CHST9: variants seen among roughly 807,000 people sequenced by gnomAD.
CHST9 encodes the protein carbohydrate sulfotransferase 9, also known as GalNAc-4-sulfotransferase 2.
In CHST9, 41 loss-of-function variants were observed where a neutral mutation model predicts 44.4. That is an observed-to-expected ratio of 0.92 (90% CI 0.72 to 1.20). The LOEUF is 1.20. Ranked by LOEUF, CHST9 falls within the 50% of genes most tolerant of loss-of-function variation. CHST9 has a pLI of 0.00. For missense variants in CHST9, 504 were observed against 516.5 expected (o/e 0.98, Z 0.23); for synonymous variants, 171 against 178.4 (o/e 0.96, Z 0.33).
At chr18:27,147,717 C>A (rs1452853044) in intron 1 of CHST9, 3 of 152,376 alleles carry the variant, frequency 2.0e-5, no homozygotes, top group African/African-American at 7.2e-5. Context: ...AAACGCAACT[C>A]CATCAACACC....
intron 4 of CHST9, among the ~76,000 whole-genome samples, chr18:27,016,546 C>A (rs1164151326): frequency 6.6e-6 from 1 of 152,168 alleles, no homozygotes; most frequent in Non-Finnish European, 1.5e-5. Context: ...GATTAACTCT[C>A]CCCTCAGACA....
intron 3 of CHST9, among the ~76,000 whole-genome samples, chr18:27,046,773 G>C (rs1332667442): frequency 1.3e-5 from 2 of 151,970 alleles, no homozygotes; most frequent in Non-Finnish European, 2.9e-5. Context: ...AAATGATTAG[G>C]AGCCCCCTAA....
intron 1 of CHST9, among the ~76,000 whole-genome samples, chr18:27,173,428 C>T (rs2058846927): frequency 1.3e-5 from 2 of 151,980 alleles, no homozygotes; most frequent in East Asian, 1.9e-4. Flanking sequence ...GTTTTGTAGG[C>T]GAGCACCAAT....
At chr18:27,075,285 C>T (rs549493252) in intron 2 of CHST9, among the ~76,000 whole-genome samples, 1 of 151,452 alleles carries the variant, frequency 6.6e-6, no homozygotes, top group Admixed American at 6.6e-5. Flanking sequence ...AGCAAACATA[C>T]TAAATTTCCA....
chr18:26,991,920 T>C lies in CHST9; in HGVS notation c.202+32196A>G, dbSNP rs1025731434. On this transcript the variant is annotated intron_variant, in intron 4 of 5. Transcript: ENST00000618847. The stretch of plus-strand genomic sequence containing the variant: ...ACAAGAAGAACTCCTTTGAAGAGCA[T>C]TGCTGCAAGAGGCAGAGCAGTGGGC... Among the ~76,000 whole-genome samples, 9 of 127,966 alleles carry C rather than the reference T, an allele frequency of 7.0e-5. 3 individuals are homozygous for C. Among genetic ancestry groups the C allele is most frequent in the Admixed American group, 2.6e-4 (3 of 11,544 alleles). 84.0% of individuals were successfully genotyped at this position (127,966 alleles called of 152,430 possible).
chr18:27,165,431 G>T (rs1346645687), intron 1 of CHST9, among the ~76,000 whole-genome samples: 5 of 152,198 alleles, frequency 3.3e-5, no homozygotes, highest in African/African-American at 1.2e-4. Context: ...GGGTTGGAAG[G>T]ACCAGGACAT....
intron 4 of CHST9, among the ~76,000 whole-genome samples, chr18:26,955,149 C>T (rs886221906): frequency 1.3e-5 from 2 of 151,898 alleles, no homozygotes; most frequent in East Asian, 3.9e-4. Flanking sequence ...TGATAGCAGC[C>T]CTTTTCATAT....
At chr18:27,120,601 T>C (rs1267300042) in intron 2 of CHST9, among the ~76,000 whole-genome samples, 1 of 152,134 alleles carries the variant, frequency 6.6e-6, no homozygotes, top group Non-Finnish European at 1.5e-5. Context: ...ATGCTTCTCG[T>C]GTGATTATGA....
At chr18:26,980,368 T>TA (rs1359080189) in intron 4 of CHST9, among the ~76,000 whole-genome samples, 4 of 151,648 alleles carry the variant, frequency 2.6e-5, no homozygotes, top group South Asian at 2.1e-4. Flanking sequence ...TCCAACTATA[T>TA]AAAAAAAATG....
intron 1 of CHST9, among the ~76,000 whole-genome samples, chr18:27,143,997 A>C (rs2058590836): frequency 6.6e-6 from 1 of 152,186 alleles, no homozygotes; most frequent in Non-Finnish European, 1.5e-5. Flanking sequence ...AACAAACAAA[A>C]AGAATCCCTG....
At chr18:27,110,918 C>T (rs2058265439) in intron 2 of CHST9, among the ~76,000 whole-genome samples, 1 of 152,198 alleles carries the variant, frequency 6.6e-6, no homozygotes, top group Non-Finnish European at 1.5e-5. Context: ...TTTTCAGAAA[C>T]TCTGGAGATA....
intron 2 of CHST9, among the ~76,000 whole-genome samples, chr18:27,133,495 TG>T (rs2058489102): frequency 6.6e-6 from 1 of 151,684 alleles, no homozygotes; most frequent in East Asian, 1.9e-4. Flanking sequence ...ATTGGCTGAG[TG>T]AATAGGGTTG....
At chr18:27,050,742 C>G (rs1252077507) in intron 2 of CHST9, among the ~76,000 whole-genome samples, 1 of 152,116 alleles carries the variant, frequency 6.6e-6, no homozygotes, top group African/African-American at 2.4e-5. Flanking sequence ...TGACAGGGTA[C>G]CTTCTCATTT....
chr18:27,076,692 G>C (rs2057907892), intron 2 of CHST9, among the ~76,000 whole-genome samples: 1 of 152,172 alleles, frequency 6.6e-6, no homozygotes, highest in Non-Finnish European at 1.5e-5. Context: ...ATAACCTTGA[G>C]GTCTTGCAAC....
intron 1 of CHST9, among the ~76,000 whole-genome samples, chr18:27,174,696 T>C (rs1329388527): frequency 6.6e-6 from 1 of 152,034 alleles, no homozygotes; most frequent in Non-Finnish European, 1.5e-5. Flanking sequence ...CAGCTTGTAT[T>C]CTTCAGTGAA....
chr18:27,130,458 G>A (rs2058462117), intron 2 of CHST9, among the ~76,000 whole-genome samples: 1 of 152,144 alleles, frequency 6.6e-6, no homozygotes, highest in African/African-American at 2.4e-5. Context: ...AAATAGTTCT[G>A]TGTATGTTTT....
intron 2 of CHST9, among the ~76,000 whole-genome samples, chr18:27,106,011 C>T (rs1315116508): frequency 1.3e-5 from 2 of 152,128 alleles, no homozygotes; most frequent in Admixed American, 6.5e-5. Flanking sequence ...TCTGGAAAGG[C>T]AGGCTATTTT....
intron 5 of CHST9, among the ~76,000 whole-genome samples, chr18:26,938,120 T>C (rs1036077008): frequency 7.9e-5 from 12 of 152,150 alleles, no homozygotes; most frequent in African/African-American, 2.9e-4. Context: ...TTAAAACATC[T>C]GAAGGCCATA....
chr18:27,063,987 A>T (rs1004522800), intron 2 of CHST9, among the ~76,000 whole-genome samples: 1 of 152,136 alleles, frequency 6.6e-6, no homozygotes, highest in East Asian at 1.9e-4. Flanking sequence ...GCACAATCCA[A>T]TTATATTTCC....
Sources: allele counts gnomAD v4.1 joint callset (sites outside exome capture counted in the v4.1 genomes callset), GRCh38; gene constraint gnomAD v4.1.1; transcripts MANE v1.5; gene names NCBI Gene and HGNC (gene_info 2026-07-23, HGNC 2026-07-21).